The following ASIC2 variants were observed in gnomAD, a reference collection of about 807,000 sequenced individuals.
The protein encoded by ASIC2 is acid-sensing ion channel 2.
Under a neutral mutation model 57.3 loss-of-function variants are expected in ASIC2, and 25 were observed. That is an observed-to-expected ratio of 0.44 (90% CI 0.32 to 0.61). ASIC2 has a LOEUF of 0.61. Ranked by LOEUF, ASIC2 falls within the 20% of genes least tolerant of loss-of-function variation. The pLI, the probability that ASIC2 is intolerant of heterozygous loss-of-function variation, is 0.06. For missense variants in ASIC2, 641 were observed against 738.1 expected (o/e 0.87, Z 1.52); for synonymous variants, 319 against 307.5 (o/e 1.04, Z -0.39).
At chr17:33,949,595 A>T (rs919782926) in intron 1 of ASIC2, among the ~76,000 whole-genome samples, 18 of 152,232 alleles carry the variant, frequency 1.2e-4, no homozygotes, top group Non-Finnish European at 2.5e-4. Flanking sequence ...TTATTTAAAA[A>T]TACACATTAG....
At chr17:34,023,140 TG>T (rs1567791384) in intron 1 of ASIC2, among the ~76,000 whole-genome samples, 1 of 152,104 alleles carries the variant, frequency 6.6e-6, no homozygotes, top group East Asian at 1.9e-4. Context: ...CCCAGTCTCA[TG>T]TAGTTCTTTA....
At chr17:33,043,406 T>A (rs972425229) in intron 3 of ASIC2, among the ~76,000 whole-genome samples, 1 of 152,240 alleles carries the variant, frequency 6.6e-6, no homozygotes, top group African/African-American at 2.4e-5. Context: ...CATTTTCATC[T>A]GCAGCATGTA....
In ASIC2 at chr17:33,950,125, AG is replaced by A. The variant is rs1424268828; in HGVS notation, c.555+205852del. Among the ~76,000 whole-genome samples the A allele has an allele frequency of 2.0e-5, 3 of 152,336 alleles. No homozygotes were observed. The East Asian group carries it at 5.8e-4, about 29-fold the overall frequency. On this transcript the variant is annotated intron_variant, in intron 1 of 9. Coordinates refer to the ASIC2 transcript ENST00000359872. ...CCATAGTCAGAAGCAGCTACCTCAG[AG>A]GGTGTGTTAAGAAATCCTTCAGGGT...
At chr17:33,445,602 A>C (rs1262928072) in intron 1 of ASIC2, among the ~76,000 whole-genome samples, 1 of 152,078 alleles carries the variant, frequency 6.6e-6, no homozygotes, top group Non-Finnish European at 1.5e-5. Flanking sequence ...GTTCAAGACC[A>C]GCCTGACCAA....
At chr17:33,973,690 C>T (rs913858024) in intron 1 of ASIC2, among the ~76,000 whole-genome samples, 15 of 152,288 alleles carry the variant, frequency 9.8e-5, no homozygotes, top group African/African-American at 2.4e-4. Flanking sequence ...TCACTCACCC[C>T]ACCAGGCTGC....
chr17:33,809,562 T>G (rs187327602), intron 1 of ASIC2, among the ~76,000 whole-genome samples: 2 of 152,352 alleles, frequency 1.3e-5, no homozygotes, highest in East Asian at 3.9e-4. Context: ...TTCCTTTTCT[T>G]GTGTGTAAAC....
chr17:33,292,808 G>A lies in ASIC2; in HGVS notation c.-693C>T. On this transcript the variant is annotated 5_prime_UTR_variant, in exon 1 of 10. Coordinates refer to ENST00000225823, the MANE Select transcript of ASIC2 (RefSeq NM_183377.2). ...CTTCCTTGTTACTGCTCCCTGGGCT[G>A]CGCTCGGCAGAGACCTGCTTAGGCT... The A allele has an allele frequency of 1.0e-6, 1 of 985,856 alleles. No homozygotes were observed. The highest frequency in any genetic ancestry group is 1.2e-6 in the Non-Finnish European group (1 of 830,310). 61.1% of individuals were successfully genotyped at this position (985,856 alleles called of 1,614,324 possible). A position where few individuals can be genotyped will look rare whatever the true frequency, so the allele number is the denominator to read the frequency against.
intron 1 of ASIC2, among the ~76,000 whole-genome samples, chr17:33,774,640 A>G (rs1057292915): frequency 1.3e-5 from 2 of 152,224 alleles, no homozygotes; most frequent in South Asian, 4.1e-4. Context: ...TATCCCATTG[A>G]CCAAAATTGT....
chr17:33,959,559 G>T (rs960170221), intron 1 of ASIC2, among the ~76,000 whole-genome samples: 6 of 152,230 alleles, frequency 3.9e-5, no homozygotes, highest in African/African-American at 1.4e-4. Flanking sequence ...GCCCCTGGCT[G>T]ACCACTGGTG....
intron 1 of ASIC2, among the ~76,000 whole-genome samples, chr17:33,762,393 T>C (rs1253700443): frequency 6.6e-6 from 1 of 152,160 alleles, no homozygotes; most frequent in African/African-American, 2.4e-5. Context: ...TGGGAGCTTG[T>C]ATTCTGGAAG....
At chr17:33,929,030 T>A (rs1205046920) in intron 1 of ASIC2, among the ~76,000 whole-genome samples, 1 of 152,080 alleles carries the variant, frequency 6.6e-6, no homozygotes, top group Non-Finnish European at 1.5e-5. Flanking sequence ...CTCGCATGCT[T>A]TTACTCAAAC....
intron 1 of ASIC2, among the ~76,000 whole-genome samples, chr17:33,222,217 AATAT>A (rs1295039113): frequency 1.3e-5 from 2 of 152,214 alleles, no homozygotes; most frequent in African/African-American, 4.8e-5. Context: ...AATAAAATGT[AATAT>A]ATCCATATAG....
intron 1 of ASIC2, among the ~76,000 whole-genome samples, chr17:33,633,142 T>G (rs974493381): frequency 4.6e-5 from 7 of 152,290 alleles, no homozygotes; most frequent in Middle Eastern, 3.4e-3. Context: ...GGGTCGGGTC[T>G]CCAGGGAGTC....
rs116285854 is a variant in ASIC2 at position 33,372,500 on chromosome 17, G to A, written c.556-260433C>T. Among the ~76,000 whole-genome samples the A allele has an allele frequency of 9.4e-3, 1,430 of 152,192 alleles. 17 individuals are homozygous for A. The highest frequency in any genetic ancestry group is 0.032 in the African/African-American group (1,342 of 41,504). ...CAACTGAATGGGTGAGGGGCTGGTG[G>A]CCACCATCTGCAGGTGACCTTCTGG... is the stretch of plus-strand genomic sequence containing the variant. On this transcript the variant is annotated intron_variant, in intron 1 of 9. Transcript: ENST00000359872.
chr17:34,102,619 T>C (rs554610890), intron 1 of ASIC2, among the ~76,000 whole-genome samples: 34 of 152,322 alleles, frequency 2.2e-4, no homozygotes, highest in African/African-American at 7.2e-4. Context: ...GCACTGTCTC[T>C]GAGATTTACC....
At chr17:33,683,911 C>A (rs1040599162) in intron 1 of ASIC2, among the ~76,000 whole-genome samples, 5 of 152,202 alleles carry the variant, frequency 3.3e-5, no homozygotes, top group African/African-American at 1.2e-4. Context: ...TCTGTAACAA[C>A]CCTATCTACA....
At chr17:33,421,440 G>T (rs1303311937) in intron 1 of ASIC2, among the ~76,000 whole-genome samples, 1 of 152,174 alleles carries the variant, frequency 6.6e-6, no homozygotes, top group East Asian at 1.9e-4. Context: ...CTTAAAGTGG[G>T]CCCCGGGAAA....
chr17:34,113,870 C>A (rs760423025), intron 1 of ASIC2, among the ~76,000 whole-genome samples: 1 of 152,076 alleles, frequency 6.6e-6, no homozygotes, highest in Non-Finnish European at 1.5e-5. Context: ...GACCATTTCT[C>A]TGAAAAAATA....
At chr17:33,212,606 A>G (rs147578352) in intron 1 of ASIC2, among the ~76,000 whole-genome samples, 151 of 152,314 alleles carry the variant, frequency 9.9e-4, no homozygotes, top group African/African-American at 3.5e-3. Context: ...AAGCAAGAGG[A>G]AGAGAAATGA....
Sources: allele counts gnomAD v4.1 joint callset (sites outside exome capture counted in the v4.1 genomes callset), GRCh38; gene constraint gnomAD v4.1.1; transcripts MANE v1.5; gene names NCBI Gene and HGNC (gene_info 2026-07-23, HGNC 2026-07-21).